The following MINAR1 variants were observed in gnomAD, a reference collection of about 807,000 sequenced individuals.
MINAR1 encodes the protein membrane integral NOTCH2 associated receptor 1.
MINAR1 carries 40 observed loss-of-function variants against 65.1 expected under a neutral mutation model. The ratio of observed to expected loss-of-function variants is 0.61; its 90% CI spans 0.48 to 0.80. The LOEUF (loss-of-function observed/expected upper bound fraction) is 0.80, where lower values mean the gene tolerates loss of function less well. Ranked by LOEUF, MINAR1 falls within the 30% of genes least tolerant of loss-of-function variation. The pLI is 0.00. For missense variants in MINAR1, 1,128 were observed against 1,148.0 expected, an observed-to-expected ratio of 0.98 and a Z score of 0.25; for synonymous variants, 482 against 449.1, an observed-to-expected ratio of 1.07 and a Z score of -0.93.
At chr15:79,411,508 A>G in the MINAR1 span, 2 of 702,014 alleles carry the variant, frequency 2.8e-6, no homozygotes, top group Non-Finnish European at 5.2e-6. Flanking sequence ...CTCCTAACAG[A>G]TTTTCAGCGG....
upstream of MINAR1, among the ~76,000 whole-genome samples, chr15:79,431,267 T>C (rs1057013560): frequency 6.6e-6 from 1 of 152,164 alleles, no homozygotes. Context: ...TCCCTCACCC[T>C]TTTTGTTTGT....
Position 79,471,081 on chromosome 15 carries a change from CATCT to C in MINAR1, c.*2701_*2704del, listed in dbSNP as rs1896061136. 1 of 152,094 alleles carries C rather than the reference CATCT, an allele frequency of 6.6e-6. No homozygotes were observed. The highest frequency in any genetic ancestry group is 1.5e-5 in the Non-Finnish European group (1 of 68,034). 9.4% of individuals were successfully genotyped at this position (152,094 alleles called of 1,614,324 possible). On this transcript the variant is annotated 3_prime_UTR_variant, in exon 4 of 4. Transcript: ENST00000305428. ...AGATAGAGTCTGGCTAGGAGGGAAA[CATCT>C]ATCCATCTCTCTAATCTTTGCCCAT...
intron 1 of MINAR1, among the ~76,000 whole-genome samples, chr15:79,435,862 CAT>C (rs1266679547): frequency 6.6e-6 from 1 of 152,208 alleles, no homozygotes; most frequent in Non-Finnish European, 1.5e-5. Flanking sequence ...GGGATAGAAG[CAT>C]ATATATGGTG....
chr15:79,470,079 A>T lies in MINAR1; in HGVS notation c.*1695A>T, dbSNP rs1459267968. ...CTTTATTTTTAGAAGTCTTCATGTT[A>T]TCTATTTGTATTATCATGTTTATGT... On this transcript the variant is annotated 3_prime_UTR_variant, in exon 4 of 4. Coordinates refer to ENST00000305428, the MANE Select transcript of MINAR1 (RefSeq NM_015206.3). 1.3e-5 allele frequency: 2 copies of T among 152,514 alleles called. No homozygotes were observed. The highest frequency in any genetic ancestry group is 2.9e-5 in the Non-Finnish European group (2 of 68,020). 9.4% of individuals were successfully genotyped at this position (152,514 alleles called of 1,614,324 possible).
chr15:79,463,016 A>C (rs748934917), intron 2 of MINAR1, 51 bp from the exon 3 acceptor site: 1 of 1,570,732 alleles, frequency 6.4e-7, no homozygotes, highest in Admixed American at 1.7e-5. Flanking sequence ...GCACTGTGAA[A>C]TCCAAGGGCA....
chr15:79,434,844 G>C (rs1894549383), intron 1 of MINAR1, among the ~76,000 whole-genome samples: 1 of 152,156 alleles, frequency 6.6e-6, no homozygotes, highest in African/African-American at 2.4e-5. Context: ...ATATGACCTT[G>C]GTAAATTATG....
intron 2 of MINAR1, 85 bp downstream of exon 2, chr15:79,458,530 CA>C (rs1233266365): frequency 6.7e-7 from 1 of 1,484,490 alleles, no homozygotes; most frequent in Non-Finnish European, 9.1e-7. Context: ...TGGCGTTAAA[CA>C]GGCAAGAGGC....
intron 1 of MINAR1, among the ~76,000 whole-genome samples, chr15:79,454,745 A>T (rs1343215463): frequency 1.3e-5 from 2 of 152,218 alleles, no homozygotes; most frequent in Admixed American, 1.3e-4. Flanking sequence ...AATAAAAAAA[A>T]ACCTATAAAA....
chr15:79,456,379 T>C lies in MINAR1; in HGVS notation c.232T>C (p.Ser78Pro), dbSNP rs1211567732. The change falls in exon 2 of 4, where the codon TCA (serine) becomes CCA (proline). Residue 78 changes from serine to proline, a missense_variant. Transcript: ENST00000305428. Reference sequence around the variant, plus strand: ...GAAATGCACTGTGAATAACCAGCAATCAAAGAAAATCATGGTGGCAGCAGA... The same window carrying C: ...GAAATGCACTGTGAATAACCAGCAACCAAAGAAAATCATGGTGGCAGCAGA... ...KMKCTVNNQQSKKIMVAADIV... is the reference protein window; with the variant it reads ...KMKCTVNNQQPKKIMVAADIV... 6.2e-7 allele frequency: 1 copy of C among 1,614,154 alleles called. No homozygotes were observed. Among genetic ancestry groups the C allele is most frequent in the East Asian group, 2.2e-5 (1 of 44,884 alleles).
chr15:79,453,600 T>C (rs1400659300), intron 1 of MINAR1, among the ~76,000 whole-genome samples: 4 of 152,306 alleles, frequency 2.6e-5, no homozygotes, highest in Admixed American at 6.5e-5. Context: ...TCTTCCTCTC[T>C]GGTTCTCGTT....
chr15:79,432,189 G>C (rs1344518432), upstream of MINAR1, among the ~76,000 whole-genome samples: 1 of 151,948 alleles, frequency 6.6e-6, no homozygotes, highest in Admixed American at 6.5e-5. Flanking sequence ...TCCCGGGGCC[G>C]CTGGAGCGCG....
At chr15:79,435,310 G>T (rs924985820) in intron 1 of MINAR1, among the ~76,000 whole-genome samples, 1 of 151,754 alleles carries the variant, frequency 6.6e-6, no homozygotes, top group African/African-American at 2.4e-5. Context: ...AACAGATTAA[G>T]AGCAAGGGAG....
rs548779551 is a variant in MINAR1, at chr15:79,444,081, T to G, written c.-51+11541T>G. Among the ~76,000 whole-genome samples the G allele has an allele frequency of 3.3e-5, 5 of 152,246 alleles. No homozygotes were observed. In the South Asian group the frequency reaches 1.0e-3, roughly 32 times the overall value. On this transcript the variant is annotated intron_variant, in intron 1 of 3. Coordinates refer to ENST00000305428, the MANE Select transcript of MINAR1 (RefSeq NM_015206.3). ...TGTAACGTGAGCTCTAGACTTAGAG[T>G]GTATAGTTAAGGCCCGGGTTCACAC... is the stretch of plus-strand genomic sequence containing the variant.
chr15:79,415,115 T>C, the MINAR1 span: 1 of 152,210 alleles, frequency 6.6e-6, no homozygotes, highest in East Asian at 1.9e-4. Flanking sequence ...GGTGTCAGGA[T>C]AAGTTTCACA....
chr15:79,452,735 G>GGT (rs200698792), intron 1 of MINAR1, among the ~76,000 whole-genome samples: 35,793 of 138,694 alleles, frequency 0.26, 5,166 homozygotes, highest in Middle Eastern at 0.37. Flanking sequence ...AGTCTGTGTG[G>GGT]GTGTGTGGGG....
At chr15:79,444,490 A>ATT (rs950248952) in intron 1 of MINAR1, among the ~76,000 whole-genome samples, 1 of 151,764 alleles carries the variant, frequency 6.6e-6, no homozygotes, top group Non-Finnish European at 1.5e-5. Flanking sequence ...TACTATACTG[A>ATT]TTTTTTTCCC....
the MINAR1 span, chr15:79,417,417 A>G: frequency 7.9e-5 from 12 of 152,322 alleles, no homozygotes; most frequent in South Asian, 6.2e-4. Context: ...TGGCACTTGT[A>G]AAATATGTGG....
chr15:79,431,515 G>A (rs558902739), upstream of MINAR1, among the ~76,000 whole-genome samples: 4 of 134,818 alleles, frequency 3.0e-5, no homozygotes, highest in South Asian at 2.1e-4. Context: ...GTGTGTGTGT[G>A]GGGGGGGAGA....
intron 1 of MINAR1, among the ~76,000 whole-genome samples, chr15:79,449,322 C>T (rs938301406): frequency 8.5e-5 from 13 of 152,226 alleles, no homozygotes; most frequent in African/African-American, 2.9e-4. Context: ...TGAGTTCAGA[C>T]TCCCAGCCCA....
Sources: gnomAD v4.1 joint callset for allele counts (sites outside exome capture counted in the v4.1 genomes callset) on GRCh38, gnomAD v4.1.1 for gene constraint, MANE v1.5 for transcripts, NCBI Gene and HGNC (gene_info 2026-07-23, HGNC 2026-07-21) for gene names.